Variants in GPATCH8 observed in about 807,000 individuals in gnomAD.
GPATCH8 encodes G patch domain-containing protein 8.
In GPATCH8, 18 loss-of-function variants were observed where a neutral mutation model predicts 118.3. The observed-to-expected ratio is 0.15, with a 90% CI of 0.11 to 0.23. The LOEUF (loss-of-function observed/expected upper bound fraction) is 0.23, where lower values mean the gene tolerates loss of function less well. Ranked by LOEUF, GPATCH8 falls within the 10% of genes least tolerant of loss-of-function variation. The probability of loss-of-function intolerance (pLI) is 1.00; values close to 1 mark genes in which losing one functional copy is unlikely to be tolerated. For synonymous variants in GPATCH8, 659 were observed against 684.7 expected (o/e 0.96, Z 0.59); for missense variants, 1,631 against 1,873.8 (o/e 0.87, Z 2.39).
intron 3 of GPATCH8, among the ~76,000 whole-genome samples, chr17:44,454,580 C>T (rs151123527): frequency 1.7e-3 from 252 of 152,184 alleles, no homozygotes; most frequent in South Asian, 8.3e-3. Context: ...TCCTGCAATC[C>T]CTTTCATCTT....
intron 3 of GPATCH8, among the ~76,000 whole-genome samples, chr17:44,460,941 A>G (rs1469188190): frequency 6.6e-6 from 1 of 152,224 alleles, no homozygotes; most frequent in Non-Finnish European, 1.5e-5. Context: ...CAATGCCTGC[A>G]TGTACACTGC....
intron 3 of GPATCH8, among the ~76,000 whole-genome samples, chr17:44,459,530 A>G (rs1390137817): frequency 2.0e-5 from 3 of 152,194 alleles, no homozygotes; most frequent in Non-Finnish European, 4.4e-5. Flanking sequence ...TTATTTCCAA[A>G]TGTTAACAAA....
intron 6 of GPATCH8, among the ~76,000 whole-genome samples, chr17:44,418,959 G>C (rs886374437): frequency 2.0e-5 from 3 of 152,096 alleles, no homozygotes. Flanking sequence ...GATCAAGCTG[G>C]GTCTTAATAT....
At chr17:44,427,980 A>G (rs1038519242) in intron 5 of GPATCH8, among the ~76,000 whole-genome samples, 5 of 152,138 alleles carry the variant, frequency 3.3e-5, no homozygotes, top group African/African-American at 1.2e-4. Flanking sequence ...AGACCACATA[A>G]TAACTTAAAA....
chr17:44,470,423 T>A (rs575864695), intron 2 of GPATCH8, among the ~76,000 whole-genome samples: 6 of 151,734 alleles, frequency 4.0e-5, no homozygotes, highest in Non-Finnish European at 7.4e-5. Flanking sequence ...GTCTATCTCC[T>A]GACCCTGTGA....
intron 7 of GPATCH8, 151 bp downstream of exon 7, chr17:44,405,770 C>A: frequency 1.7e-6 from 1 of 579,408 alleles, no homozygotes; most frequent in Non-Finnish European, 3.0e-6. Flanking sequence ...TCTCAAAGTG[C>A]TGGGATTATA....
rs2048914599 is a variant in GPATCH8, at chr17:44,399,338, G to C, written c.2739C>G (p.Asp913Glu). The C allele has an allele frequency of 6.2e-7, 1 of 1,614,028 alleles. No individual in the cohort carries two copies. ...GGTGTTTGGAGCTGGCATAGTCTGA[G>C]TCATCTGAGTCATGGGAGCGCTTGG... ...RHSKRSHDSD[D>E]SDYASSKHRS... The change falls in exon 8 of 8, where the codon GAC becomes GAG. Residue 913 changes from aspartate to glutamate, a missense_variant. Asp to Glu is a conservative substitution (Grantham distance 45). Transcript: ENST00000591680.
At chr17:44,464,375 C>A (rs1266698219) in intron 3 of GPATCH8, 97 bp downstream of exon 3, 1 of 819,368 alleles carries the variant, frequency 1.2e-6, no homozygotes, top group African/African-American at 1.7e-5. Flanking sequence ...GGGAGAAACC[C>A]AAGTACTTTT....
At chr17:44,462,206 C>T (rs1461785078) in intron 3 of GPATCH8, among the ~76,000 whole-genome samples, 2 of 152,076 alleles carry the variant, frequency 1.3e-5, no homozygotes, top group South Asian at 2.1e-4. Flanking sequence ...ATGAACCAGC[C>T]CCACCTTGTG....
chr17:44,465,999 T>C (rs2051748692), intron 2 of GPATCH8: 1 of 152,138 alleles, frequency 6.6e-6, no homozygotes, highest in Admixed American at 6.6e-5. Flanking sequence ...AGCTAATTAT[T>C]TCATTGATGG....
Position 44,400,678 on chromosome 17 carries a change from C to T in GPATCH8, c.1399G>A (p.Glu467Lys). 1 of 1,611,540 alleles carries T rather than the reference C, an allele frequency of 6.2e-7. No homozygotes were observed. Among genetic ancestry groups the T allele is most frequent in the Non-Finnish European group, 8.5e-7 (1 of 1,178,390 alleles). Residue 467 changes from glutamate to lysine, a missense_variant, in exon 8 of 8, where the codon GAA (glutamate) becomes AAA (lysine). Physicochemically the swap from Glu to Lys is moderately conservative, Grantham distance 56 (BLOSUM62 1). Around this residue, in one of 8 missense-constraint regions of GPATCH8, gnomAD observed 405 missense variants for 462.7 expected, o/e 0.88. Coordinates refer to ENST00000591680, the MANE Select transcript of GPATCH8 (RefSeq NM_001002909.4). Reference protein sequence around the residue: ...TVSEVSEQPKETSMTEPSEPG... With the variant: ...TVSEVSEQPKKTSMTEPSEPG... ...TCTGAGGGCTCGGTCATGCTGGTTT[C>T]CTTCGGCTGCTCAGAGACTTCACTA...
chr17:44,501,955 A>G (rs1970099291), intron 1 of GPATCH8, among the ~76,000 whole-genome samples: 1 of 152,088 alleles, frequency 6.6e-6, no homozygotes, highest in Admixed American at 6.6e-5. Context: ...TATATTTCTC[A>G]GGGATCAAAA....
At chr17:44,420,496 C>T (rs1429437292) in intron 6 of GPATCH8, among the ~76,000 whole-genome samples, 1 of 152,274 alleles carries the variant, frequency 6.6e-6, no homozygotes, top group African/African-American at 2.4e-5. Context: ...TGGCCTCAAC[C>T]TACTAGATGC....
intron 5 of GPATCH8, among the ~76,000 whole-genome samples, chr17:44,431,399 AAG>A (rs2050309196): frequency 6.6e-6 from 1 of 150,740 alleles, no homozygotes; most frequent in Non-Finnish European, 1.5e-5. Flanking sequence ...AAAAAAAAAA[AAG>A]GCGAAAAACA....
In GPATCH8 at chr17:44,398,302, T is replaced by C. The variant is rs760339; in HGVS notation, c.3775A>G (p.Ser1259Gly). The change falls in exon 8 of 8, where the codon AGC becomes GGC. Residue 1259 changes from serine to glycine, a missense_variant. By Grantham distance (56) the Ser-to-Gly change is moderately conservative. Coordinates refer to ENST00000591680, the MANE Select transcript of GPATCH8 (RefSeq NM_001002909.4). Reference protein sequence around the residue: ...DGDTLESLDSSSQPGPVESSL... With the variant: ...DGDTLESLDSGSQPGPVESSL... ...GACTCCACAGGGCCTGGCTGACTGC[T>C]GCTATCCAGGGACTCCAGGGTGTCC... 4.6e-3 allele frequency: 7,471 copies of C among 1,613,966 alleles called. 54 individuals carry two copies. The highest frequency in any genetic ancestry group is 0.017 in the South Asian group (1,575 of 91,080).
intron 5 of GPATCH8, among the ~76,000 whole-genome samples, chr17:44,432,091 A>G (rs2050338956): frequency 6.6e-6 from 1 of 151,540 alleles, no homozygotes; most frequent in Non-Finnish European, 1.5e-5. Flanking sequence ...TCTCCCAACA[A>G]ATCTTCAAGT....
In GPATCH8 at chr17:44,400,513, C is replaced by A. The variant is rs777340071; in HGVS notation, c.1564G>T (p.Ala522Ser). The A allele has an allele frequency of 5.0e-6, 8 of 1,613,964 alleles. No homozygotes were observed. In the African/African-American group the frequency reaches 1.1e-4, roughly 22 times the overall value. The change falls in exon 8 of 8, where the codon GCA becomes TCA. Residue 522 changes from alanine (A) to serine (S), a missense_variant. Ala to Ser is a moderately conservative substitution (Grantham distance 99). Transcript: ENST00000591680. ...SSKETSLATP[A>S]GKESQEGPKH... ...GGTCCTTCTTGGCTTTCTTTCCCTG[C>A]TGGGGTGGCCAGAGAGGTTTCTTTA...
intron 3 of GPATCH8, among the ~76,000 whole-genome samples, chr17:44,448,794 C>T (rs1001996663): frequency 2.7e-5 from 4 of 149,768 alleles, no homozygotes; most frequent in African/African-American, 9.8e-5. Context: ...AAAAAATAAA[C>T]AGCACTATAC....
intron 3 of GPATCH8, among the ~76,000 whole-genome samples, chr17:44,449,768 C>A (rs1260353860): frequency 2.0e-5 from 3 of 152,208 alleles, no homozygotes; most frequent in Non-Finnish European, 2.9e-5. Context: ...CCGCCTCAGC[C>A]TCCCAGAGTG....
Sources: gnomAD v4.1 joint callset for allele counts (sites outside exome capture counted in the v4.1 genomes callset) on GRCh38, gnomAD v4.1.1 for gene constraint, gnomAD v4.1.1 regional missense constraint, MANE v1.5 for transcripts, NCBI Gene and HGNC (gene_info 2026-07-23, HGNC 2026-07-21) for gene names.